POC1A: variants seen among roughly 807,000 people sequenced by gnomAD.
POC1A encodes the protein POC1 centriolar protein homolog A.
In POC1A, 34 loss-of-function variants were observed where a neutral mutation model predicts 47.8. The ratio of observed to expected loss-of-function variants is 0.71; its 90% confidence interval spans 0.54 to 0.95. The LOEUF (loss-of-function observed/expected upper bound fraction) is 0.95, where lower values mean the gene tolerates loss of function less well. Ranked by LOEUF, POC1A falls within the 40% of genes least tolerant of loss-of-function variation. The pLI is 0.00. For missense variants in POC1A, 466 were observed against 528.3 expected, an observed-to-expected ratio of 0.88 and a Z score of 1.16; for synonymous variants, 177 against 207.6, an observed-to-expected ratio of 0.85 and a Z score of 1.27.
At chr3:52,095,069 A>T (rs1702767362) in intron 10 of POC1A, among the ~76,000 whole-genome samples, 1 of 152,206 alleles carries the variant, frequency 6.6e-6, no homozygotes, top group East Asian at 1.9e-4. Context: ...CTCAGACTTA[A>T]TTTCCAATTT....
rs777125034 is a variant in POC1A, at chr3:52,122,427, C to G, written c.933G>C (p.Thr311=). The G allele has an allele frequency of 3.1e-6, 5 of 1,613,322 alleles. No homozygotes were observed. The highest frequency in any genetic ancestry group is 1.7e-5 in the Admixed American group (1 of 60,020). The part of the protein sequence containing the change: ...NFDIVDHGEV[T]KVPRPPATLA... Reference sequence around the variant, plus strand: ...GTGTGGCTGGGGGCCTCGGCACTTTCGTGACTTCTCCATGATCAACAATAT... The same window carrying G: ...GTGTGGCTGGGGGCCTCGGCACTTTGGTGACTTCTCCATGATCAACAATAT... Residue 311 remains threonine (T), a synonymous_variant, in exon 9 of 11, where the codon ACG becomes ACC. Coordinates refer to ENST00000296484, the MANE Select transcript of POC1A (RefSeq NM_015426.5).
At chr3:52,119,490 G>C (rs989662692) in intron 9 of POC1A, among the ~76,000 whole-genome samples, 2 of 151,912 alleles carry the variant, frequency 1.3e-5, no homozygotes, top group South Asian at 4.1e-4. Context: ...CAACTCCTGG[G>C]CTCAAGTGAT....
chr3:52,107,284 C>G (rs567366197), intron 9 of POC1A, among the ~76,000 whole-genome samples: 3 of 152,308 alleles, frequency 2.0e-5, no homozygotes, highest in African/African-American at 7.2e-5. Context: ...AAGGTGGAGC[C>G]GGTTTTAGGA....
At chr3:52,122,229 A>G (rs1703806109) in intron 9 of POC1A, 150 bp downstream of exon 9, 1 of 591,638 alleles carries the variant, frequency 1.7e-6, no homozygotes, top group African/African-American at 1.9e-5. Flanking sequence ...CAACTTCCAA[A>G]GTATTTGGTA....
rs927479686 is a variant in POC1A, at chr3:52,110,972, T to G, written c.981+11407A>C. On this transcript the variant is annotated intron_variant, in intron 9 of 10. Transcript: ENST00000296484. ...AGGAGTGTGTGTGCCTGGGTTTATA[T>G]GCCAAATGTGTACTGATGCACGCAG... Among the ~76,000 whole-genome samples, 17 of 152,246 alleles carry G rather than the reference T, an allele frequency of 1.1e-4. 1 individual carries two copies. Among genetic ancestry groups the G allele is most frequent in the South Asian group, 6.2e-4 (3 of 4,832 alleles).
At chr3:52,133,611 G>A (rs1207309621) in intron 7 of POC1A, among the ~76,000 whole-genome samples, 3 of 152,140 alleles carry the variant, frequency 2.0e-5, no homozygotes, top group Non-Finnish European at 4.4e-5. Context: ...GCTGGCACTT[G>A]GCAAGTCCCT....
chr3:52,078,979 C>T (rs1702202463), intron 10 of POC1A, among the ~76,000 whole-genome samples: 2 of 152,190 alleles, frequency 1.3e-5, no homozygotes, highest in South Asian at 2.1e-4. Flanking sequence ...CTGTCTGGGC[C>T]ACAGGCCCAG....
At chr3:52,137,490 C>T (rs949770420) in intron 7 of POC1A, among the ~76,000 whole-genome samples, 6 of 152,254 alleles carry the variant, frequency 3.9e-5, no homozygotes, top group Non-Finnish European at 2.9e-5. Context: ...GACATTCTGA[C>T]GACCGCTCTG....
At chr3:52,133,799 C>T (rs1704328538) in intron 7 of POC1A, among the ~76,000 whole-genome samples, 1 of 152,188 alleles carries the variant, frequency 6.6e-6, no homozygotes, top group Non-Finnish European at 1.5e-5. Flanking sequence ...TCTCCTGGCA[C>T]CCGCAGAGCC....
chr3:52,121,018 T>C (rs1449271305), intron 9 of POC1A, among the ~76,000 whole-genome samples: 3 of 152,232 alleles, frequency 2.0e-5, no homozygotes, highest in Admixed American at 6.5e-5. Context: ...CTGTAGTTTC[T>C]AGCTTTGCTC....
intron 9 of POC1A, among the ~76,000 whole-genome samples, chr3:52,103,037 T>C (rs1393163837): frequency 6.6e-6 from 1 of 152,192 alleles, no homozygotes; most frequent in Admixed American, 6.5e-5. Context: ...ACAAAGAGAA[T>C]CCAGAAACTC....
At chr3:52,146,829 G>C (rs1216227329) in intron 5 of POC1A, among the ~76,000 whole-genome samples, 159 bp downstream of exon 5, 1 of 152,224 alleles carries the variant, frequency 6.6e-6, no homozygotes, top group Non-Finnish European at 1.5e-5. Flanking sequence ...TACAATGCTA[G>C]GTTGCCAGAC....
intron 7 of POC1A, among the ~76,000 whole-genome samples, chr3:52,134,597 A>G (rs981869303): frequency 2.8e-4 from 42 of 152,296 alleles, no homozygotes; most frequent in Non-Finnish European, 2.4e-4. Context: ...GCACCACTGC[A>G]CTCCAGCCTG....
chr3:52,117,956 T>G (rs1703629758), intron 9 of POC1A, among the ~76,000 whole-genome samples: 2 of 152,238 alleles, frequency 1.3e-5, no homozygotes, highest in Admixed American at 1.3e-4. Context: ...CAGGGGTCTT[T>G]ATGCCTCGGG....
chr3:52,134,841 C>T (rs1169392299), intron 7 of POC1A, among the ~76,000 whole-genome samples: 3 of 152,034 alleles, frequency 2.0e-5, no homozygotes, highest in Admixed American at 6.6e-5. Context: ...TGCCATCCTC[C>T]TTATCCATAG....
chr3:52,117,677 T>C (rs1029413755), intron 9 of POC1A, among the ~76,000 whole-genome samples: 1 of 152,086 alleles, frequency 6.6e-6, no homozygotes, highest in African/African-American at 2.4e-5. Context: ...AGCCAACCCT[T>C]AGAACTCAGA....
intron 10 of POC1A, among the ~76,000 whole-genome samples, chr3:52,095,657 G>A (rs563567494): frequency 6.6e-6 from 1 of 152,298 alleles, no homozygotes; most frequent in Non-Finnish European, 1.5e-5. Flanking sequence ...CAAGAGCCAA[G>A]GAGATGAGGA....
In POC1A at chr3:52,094,552, AAGG is replaced by A. The variant is rs529567092; in HGVS notation, c.1125+2014_1125+2016del. Among the ~76,000 whole-genome samples the A allele has an allele frequency of 1.4e-3, 218 of 152,400 alleles. 1 individual carries two copies. The highest frequency in any genetic ancestry group is 0.01 in the Middle Eastern group (3 of 294). On this transcript the variant is annotated intron_variant, in intron 10 of 10. Transcript: ENST00000296484. ...TAGAAGACAACCAACAGTCAAGCCC[AAGG>A]AGAACTTGCCAGGATTAGCACAAAG...
Position 52,138,184 on chromosome 3 carries a change from T to C in POC1A, c.798A>G (p.Thr266=), listed in dbSNP as rs748933903. Residue 266 remains threonine (T), a synonymous_variant, in exon 7 of 11, where the codon ACA becomes ACG. Coordinates refer to ENST00000296484, the MANE Select transcript of POC1A (RefSeq NM_015426.5). ...CACCTCTCACCTGATGCCCGTGGAGTGTGTAGAGCAGCCGGCCCTCCATCA... is the reference window on the plus strand; with the variant it reads ...CACCTCTCACCTGATGCCCGTGGAGCGTGTAGAGCAGCCGGCCCTCCATCA... The part of the protein sequence containing the change: ...LDLMEGRLLY[T]LHGHQGPATT... 3.8e-5 allele frequency: 62 copies of C among 1,613,704 alleles called. No individual in the cohort carries two copies. Among genetic ancestry groups the C allele is most frequent in the Non-Finnish European group, 5.0e-5 (59 of 1,179,958 alleles).
Sources: allele counts gnomAD v4.1 joint callset (sites outside exome capture counted in the v4.1 genomes callset), GRCh38; gene constraint gnomAD v4.1.1; transcripts MANE v1.5; gene names NCBI Gene and HGNC (gene_info 2026-07-23, HGNC 2026-07-21).